Variants in TAOK3 observed in about 807,000 individuals in gnomAD.
TAOK3 encodes the protein serine/threonine-protein kinase TAO3.
In TAOK3, 40 loss-of-function variants were observed where a neutral mutation model predicts 120.4. The ratio of observed to expected loss-of-function variants is 0.33; its 90% CI spans 0.26 to 0.43. TAOK3 has a LOEUF of 0.43. Ranked by LOEUF, TAOK3 falls within the 20% of genes least tolerant of loss-of-function variation. The pLI, the probability that TAOK3 is intolerant of heterozygous loss-of-function variation, is 1.00. For missense variants in TAOK3, 821 were observed against 1,112.1 expected (o/e 0.74, Z 3.72); for synonymous variants, 355 against 387.5 (o/e 0.92, Z 0.99).
Position 118,372,551 on chromosome 12 carries a change from C to G in TAOK3, c.-194+97G>C, listed in dbSNP as rs2045933464. The G allele has an allele frequency of 6.4e-6, 1 of 155,220 alleles. No homozygotes were observed. Among genetic ancestry groups the G allele is most frequent in the African/African-American group, 2.4e-5 (1 of 41,602 alleles). The allele number at this position is 155,220 out of a possible 1,614,324, so 9.6% of individuals were successfully genotyped here. A position where few individuals can be genotyped will look rare whatever the true frequency, so the allele number is the denominator to read the frequency against. ...CCTCCCGGGGTCTCCTCTCCACAGT[C>G]TGCACTGTCGAGCCCGCTCCCGCAA... On this transcript the variant is annotated intron_variant, in intron 1 of 20. Coordinates refer to ENST00000392533, the MANE Select transcript of TAOK3 (RefSeq NM_016281.4). This position sits in a 1 kb window ranked among gnomAD's most constrained non-coding sequence, Gnocchi z 4.6.
At chr12:118,339,166 T>G (rs61943365) in intron 1 of TAOK3, among the ~76,000 whole-genome samples, 35,222 of 151,506 alleles carry the variant, frequency 0.23, 4,777 homozygotes, top group African/African-American at 0.38. Context: ...TTGTCACTTA[T>G]TAAGTTAACT....
Position 118,254,456 on chromosome 12 carries a change from G to GCTTTTTCCCTTTTGCTTT in TAOK3, c.120+991_120+992insAAAGCAAAAGGGAAAAAG, listed in dbSNP as rs537396674. 6.9e-3 allele frequency among the ~76,000 whole-genome samples: 1,050 copies of GCTTTTTCCCTTTTGCTTT among 152,250 alleles called. 5 individuals carry two copies. The highest frequency in any genetic ancestry group is 1.0e-2 in the Non-Finnish European group (680 of 68,012). Reference sequence around the variant, plus strand: ...ATGACACTTGTTATTTAGGGAAAAAGACATATATAAAGCAAAAAATCGTAT... The same window carrying GCTTTTTCCCTTTTGCTTT: ...ATGACACTTGTTATTTAGGGAAAAAGCTTTTTCCCTTTTGCTTTACATATATAAAGCAAAAAATCGTAT... On this transcript the variant is annotated intron_variant, in intron 3 of 20. Transcript: ENST00000392533.
At chr12:118,214,725 G>A (rs953800201) in intron 9 of TAOK3, among the ~76,000 whole-genome samples, 1 of 149,588 alleles carries the variant, frequency 6.7e-6, no homozygotes, top group Admixed American at 6.7e-5. Flanking sequence ...CTGACATCGT[G>A]CATGGCTAAT....
At chr12:118,258,239 C>T (rs1338146078) in intron 2 of TAOK3, among the ~76,000 whole-genome samples, 1 of 152,070 alleles carries the variant, frequency 6.6e-6, no homozygotes, top group African/African-American at 2.4e-5. Flanking sequence ...AAAGGGGAAC[C>T]ACTGAAGGTT....
intron 2 of TAOK3, among the ~76,000 whole-genome samples, chr12:118,260,857 T>C (rs1385719883): frequency 6.6e-6 from 1 of 152,124 alleles, no homozygotes; most frequent in African/African-American, 2.4e-5. Flanking sequence ...ATTTTTGTAT[T>C]TTTAGTAGAG....
chr12:118,168,960 CCTTCCT>C (rs2035788312), intron 17 of TAOK3, among the ~76,000 whole-genome samples: 1 of 10,900 alleles, frequency 9.2e-5, no homozygotes, highest in African/African-American at 2.4e-4. Flanking sequence ...TGCTTGCTTT[CCTTCCT>C]TCCTTCCTTC....
At chr12:118,263,692 C>G (rs2041326328) in intron 2 of TAOK3, among the ~76,000 whole-genome samples, 1 of 152,054 alleles carries the variant, frequency 6.6e-6, no homozygotes, top group Admixed American at 6.6e-5. Flanking sequence ...GATTTGAACA[C>G]AAGCACTCTA....
chr12:118,369,021 AAAG>A (rs1166887233), intron 1 of TAOK3, among the ~76,000 whole-genome samples: 46 of 146,890 alleles, frequency 3.1e-4, no homozygotes, highest in African/African-American at 5.6e-4. Flanking sequence ...AAAAAAAAAA[AAAG>A]AAGAAGAAGA....
intron 9 of TAOK3, among the ~76,000 whole-genome samples, chr12:118,217,860 T>TATATAC (rs1158528636): frequency 8.6e-5 from 7 of 81,682 alleles, no homozygotes; most frequent in Non-Finnish European, 1.2e-4. Context: ...TATATATATA[T>TATATAC]ACACTTTTTT....
intron 3 of TAOK3, among the ~76,000 whole-genome samples, chr12:118,254,795 T>C (rs1305893407): frequency 1.3e-5 from 2 of 152,158 alleles, no homozygotes; most frequent in East Asian, 1.9e-4. Flanking sequence ...TCTCACTCTG[T>C]TGCCCAGGCC....
intron 1 of TAOK3, among the ~76,000 whole-genome samples, chr12:118,298,420 C>A (rs1397379652): frequency 6.6e-6 from 1 of 152,154 alleles, no homozygotes; most frequent in Admixed American, 6.6e-5. Context: ...CTGTAAATAA[C>A]CTTTAGAAAA....
intron 1 of TAOK3, among the ~76,000 whole-genome samples, chr12:118,332,606 T>A (rs931845737): frequency 6.6e-6 from 1 of 152,230 alleles, no homozygotes; most frequent in African/African-American, 2.4e-5. Context: ...CATTCTTTCC[T>A]TAGGATACAC....
intron 1 of TAOK3, among the ~76,000 whole-genome samples, chr12:118,267,314 C>G (rs977395259): frequency 6.6e-6 from 1 of 151,804 alleles, no homozygotes; most frequent in African/African-American, 2.4e-5. Context: ...CTCCCAGGTT[C>G]AAGCAATTCT....
chr12:118,239,648 C>G (rs900762719), intron 5 of TAOK3, among the ~76,000 whole-genome samples: 2 of 152,116 alleles, frequency 1.3e-5, no homozygotes, highest in Non-Finnish European at 2.9e-5. Flanking sequence ...AATACACGAG[C>G]CAGTAAAATC....
At position 118,207,082 on chromosome 12, in the gene TAOK3, C is replaced by T. The variant is rs984551677; in HGVS notation, c.820-5619G>A. On this transcript the variant is annotated intron_variant, in intron 11 of 20. Coordinates refer to ENST00000392533, the MANE Select transcript of TAOK3 (RefSeq NM_016281.4). ...TGGGTCATGCCTGTAATCCCAGCAC[C>T]TTGGGAGGCCGAGGAGGGTGGATCA... 4.0e-5 allele frequency among the ~76,000 whole-genome samples: 6 copies of T among 151,810 alleles called. No homozygotes were observed. In the South Asian group the frequency reaches 8.3e-4, roughly 21 times the overall value.
chr12:118,290,608 C>G (rs984152660), intron 1 of TAOK3, among the ~76,000 whole-genome samples: 3 of 152,204 alleles, frequency 2.0e-5, no homozygotes, highest in African/African-American at 7.2e-5. Flanking sequence ...TTCTGCCACC[C>G]AGGCTAGAGT....
intron 14 of TAOK3, among the ~76,000 whole-genome samples, chr12:118,182,014 G>A (rs1450971238): frequency 1.3e-5 from 2 of 152,018 alleles, no homozygotes; most frequent in Non-Finnish European, 2.9e-5. Flanking sequence ...GTAAAACCCC[G>A]TCTCTACTAA....
chr12:118,269,149 C>G (rs560809941), intron 1 of TAOK3, among the ~76,000 whole-genome samples: 3 of 151,520 alleles, frequency 2.0e-5, no homozygotes, highest in African/African-American at 7.3e-5. Flanking sequence ...TCTTTCTTCT[C>G]TCTCTTTCTT....
chr12:118,248,653 C>T (rs1593294023), intron 3 of TAOK3, among the ~76,000 whole-genome samples: 2 of 151,894 alleles, frequency 1.3e-5, no homozygotes, highest in East Asian at 3.9e-4. Flanking sequence ...AATAGAAAAG[C>T]CCACAGAAAT....
Sources: allele counts gnomAD v4.1 joint callset (sites outside exome capture counted in the v4.1 genomes callset), GRCh38; gene constraint gnomAD v4.1.1; non-coding constraint Gnocchi (gnomAD v3.1); transcripts MANE v1.5; gene names NCBI Gene and HGNC (gene_info 2026-07-23, HGNC 2026-07-21).